ADAMTS12: variants seen among roughly 807,000 people sequenced by gnomAD.
The protein encoded by ADAMTS12 is ADAM metallopeptidase with thrombospondin type 1 motif 12, also known as A disintegrin and metalloproteinase with thrombospondin motifs 12.
Under a neutral mutation model 167.8 loss-of-function variants are expected in ADAMTS12, and 118 were observed. The ratio of observed to expected loss-of-function variants is 0.70; its 90% CI spans 0.61 to 0.82. ADAMTS12 has a LOEUF of 0.82. Ranked by LOEUF, ADAMTS12 falls within the 40% of genes least tolerant of loss-of-function variation. The pLI, the probability that ADAMTS12 is intolerant of heterozygous loss-of-function variation, is 0.00. For missense variants in ADAMTS12, 1,916 were observed against 1,998.8 expected, an observed-to-expected ratio of 0.96 and a Z score of 0.79; for synonymous variants, 704 against 716.9, an observed-to-expected ratio of 0.98 and a Z score of 0.29.
intron 17 of ADAMTS12, 101 bp downstream of exon 17, chr5:33,595,833 A>T (rs1747894193): frequency 2.6e-6 from 4 of 1,514,716 alleles, no homozygotes; most frequent in Non-Finnish European, 3.6e-6. Flanking sequence ...TCCAAATAAC[A>T]AAACCACACA....
chr5:33,627,440 ATGG>A (rs1431073088), intron 13 of ADAMTS12, among the ~76,000 whole-genome samples: 3 of 134,336 alleles, frequency 2.2e-5, no homozygotes, highest in Non-Finnish European at 4.8e-5. Flanking sequence ...GGTGGTGGAT[ATGG>A]TGGTGGTGAT....
intron 7 of ADAMTS12, among the ~76,000 whole-genome samples, chr5:33,657,942 C>T (rs1476382979): frequency 1.3e-5 from 2 of 151,990 alleles, no homozygotes; most frequent in Non-Finnish European, 2.9e-5. Flanking sequence ...CTGGAGTGGC[C>T]TATTTGGTTC....
intron 2 of ADAMTS12, among the ~76,000 whole-genome samples, chr5:33,861,270 G>A (rs550405292): frequency 1.4e-4 from 21 of 152,238 alleles, no homozygotes; most frequent in African/African-American, 4.8e-4. Flanking sequence ...TCAATGCGCT[G>A]TATTCAGAAG....
chr5:33,556,830 T>G (rs1300155552), intron 20 of ADAMTS12, among the ~76,000 whole-genome samples: 4 of 152,148 alleles, frequency 2.6e-5, no homozygotes, highest in Non-Finnish European at 4.4e-5. Context: ...GCCATGCAGC[T>G]GTGTGTGGGA....
intron 2 of ADAMTS12, among the ~76,000 whole-genome samples, chr5:33,846,439 A>AG (rs1428918480): frequency 2.0e-5 from 3 of 152,386 alleles, no homozygotes; most frequent in African/African-American, 7.2e-5. Flanking sequence ...CCCCAAAGCC[A>AG]GTAATAGAAT....
At chr5:33,806,086 A>G (rs1747218959) in intron 2 of ADAMTS12, among the ~76,000 whole-genome samples, 1 of 152,236 alleles carries the variant, frequency 6.6e-6, no homozygotes, top group African/African-American at 2.4e-5. Context: ...TAAATATTTT[A>G]AAATTCATTA....
intron 2 of ADAMTS12, among the ~76,000 whole-genome samples, chr5:33,764,033 T>C (rs1436305568): frequency 6.6e-6 from 1 of 152,128 alleles, no homozygotes; most frequent in Non-Finnish European, 1.5e-5. Context: ...ACACACAGCA[T>C]TCATTAAGAA....
chr5:33,570,723 C>T (rs1029713526), intron 19 of ADAMTS12, among the ~76,000 whole-genome samples: 4 of 151,388 alleles, frequency 2.6e-5, no homozygotes, highest in Admixed American at 6.6e-5. Context: ...ATCATAATGA[C>T]AGGATCAAAT....
intron 20 of ADAMTS12, 138 bp downstream of exon 20, chr5:33,560,889 T>C (rs554413143): frequency 3.8e-5 from 44 of 1,158,368 alleles, no homozygotes; most frequent in East Asian, 3.7e-4. Flanking sequence ...CTGAACGTTG[T>C]GCACATGTAC....
At chr5:33,610,363 T>A (rs1450029261) in intron 16 of ADAMTS12, among the ~76,000 whole-genome samples, 1 of 152,204 alleles carries the variant, frequency 6.6e-6, no homozygotes, top group Non-Finnish European at 1.5e-5. Flanking sequence ...GATTTTTTAA[T>A]CACAGCAACC....
chr5:33,588,852 C>T lies in ADAMTS12; in HGVS notation c.2655-43G>A, dbSNP rs570498983. On this transcript the variant is annotated intron_variant, in intron 17 of 23. Transcript: ENST00000504830. Reference sequence around the variant, plus strand: ...TATGTGAGAGAAGATCGCCAACTTACGCATATGTTCCATTCAACCACTGAG... The same window carrying T: ...TATGTGAGAGAAGATCGCCAACTTATGCATATGTTCCATTCAACCACTGAG... The T allele has an allele frequency of 2.5e-6, 4 of 1,602,038 alleles. No homozygotes were observed. The African/African-American group carries it at 5.4e-5, about 21-fold the overall frequency.
At chr5:33,674,148 C>A (rs759879435) in intron 5 of ADAMTS12, among the ~76,000 whole-genome samples, 17 of 152,090 alleles carry the variant, frequency 1.1e-4, no homozygotes, top group Non-Finnish European at 2.4e-4. Flanking sequence ...AGGATGCACA[C>A]CACCCATGAA....
intron 2 of ADAMTS12, among the ~76,000 whole-genome samples, chr5:33,842,163 A>G (rs2548020): frequency 0.47 from 70,946 of 152,028 alleles, 18,443 homozygotes; most frequent in African/African-American, 0.68. Context: ...AAGACATCTA[A>G]GTAGACAGGC....
At chr5:33,890,175 G>C (rs1750791820) in intron 1 of ADAMTS12, among the ~76,000 whole-genome samples, 1 of 152,120 alleles carries the variant, frequency 6.6e-6, no homozygotes, top group African/African-American at 2.4e-5. Flanking sequence ...AAGAAGATGT[G>C]GAGCAGAGCT....
intron 3 of ADAMTS12, among the ~76,000 whole-genome samples, chr5:33,700,782 T>C (rs1742972583): frequency 6.6e-6 from 1 of 152,248 alleles, no homozygotes; most frequent in Non-Finnish European, 1.5e-5. Context: ...ATGTTATGAT[T>C]AAGCGAGACC....
intron 2 of ADAMTS12, among the ~76,000 whole-genome samples, chr5:33,809,228 G>A (rs942670079): frequency 5.3e-5 from 8 of 152,184 alleles, no homozygotes; most frequent in Non-Finnish European, 1.5e-5. Flanking sequence ...GTCTGGGATA[G>A]ATTCTGCATT....
At chr5:33,744,613 G>A (rs1189066331) in intron 3 of ADAMTS12, among the ~76,000 whole-genome samples, 1 of 152,104 alleles carries the variant, frequency 6.6e-6, no homozygotes, top group Non-Finnish European at 1.5e-5. Flanking sequence ...AGTGAGAGGC[G>A]ACAGATGCTG....
At chr5:33,727,221 C>T (rs1211620296) in intron 3 of ADAMTS12, among the ~76,000 whole-genome samples, 2 of 144,864 alleles carry the variant, frequency 1.4e-5, no homozygotes, top group Middle Eastern at 3.3e-3. Context: ...GTGTCTGGGT[C>T]GAGGTCAAGC....
chr5:33,784,629 G>A (rs181595356), intron 2 of ADAMTS12, among the ~76,000 whole-genome samples: 14 of 151,848 alleles, frequency 9.2e-5, no homozygotes, highest in East Asian at 1.9e-4. Flanking sequence ...ACAAATTAAC[G>A]TTTAAGTCAA....
Sources: gnomAD v4.1 joint callset for allele counts (sites outside exome capture counted in the v4.1 genomes callset) on GRCh38, gnomAD v4.1.1 for gene constraint, MANE v1.5 for transcripts, NCBI Gene and HGNC (gene_info 2026-07-23, HGNC 2026-07-21) for gene names.